GBE1: variants seen among roughly 807,000 people sequenced by gnomAD.
The protein encoded by GBE1 is 1,4-alpha-glucan-branching enzyme.
GBE1 carries 70 observed loss-of-function variants against 88.8 expected under a neutral mutation model. The ratio of observed to expected loss-of-function variants is 0.79; its 90% confidence interval spans 0.65 to 0.96. The LOEUF (loss-of-function observed/expected upper bound fraction) is 0.96, where lower values mean the gene tolerates loss of function less well. Ranked by LOEUF, GBE1 falls within the 40% of genes least tolerant of loss-of-function variation. GBE1 has a pLI of 0.00. For missense variants in GBE1, 872 were observed against 871.0 expected (o/e 1.00, Z -0.01); for synonymous variants, 284 against 300.1 (o/e 0.95, Z 0.56).
At chr3:81,632,427 C>T (rs1191308634) in intron 7 of GBE1, among the ~76,000 whole-genome samples, 4 of 152,050 alleles carry the variant, frequency 2.6e-5, no homozygotes, top group African/African-American at 9.7e-5. Context: ...CAAAAGAAGA[C>T]ATTTATGTGG....
intron 1 of GBE1, among the ~76,000 whole-genome samples, chr3:81,745,101 T>C (rs762477690): frequency 2.0e-5 from 3 of 152,194 alleles, no homozygotes; most frequent in Admixed American, 6.5e-5. Context: ...TTTGTTCTGC[T>C]ATCATATAGA....
intron 1 of GBE1, among the ~76,000 whole-genome samples, chr3:81,755,009 C>A (rs1706582540): frequency 6.6e-6 from 1 of 151,926 alleles, no homozygotes; most frequent in South Asian, 2.1e-4. Flanking sequence ...TTCTGCACAG[C>A]AAAGGAAACA....
chr3:81,753,135 G>C (rs1395466868), intron 1 of GBE1, among the ~76,000 whole-genome samples: 2 of 152,160 alleles, frequency 1.3e-5, no homozygotes, highest in Non-Finnish European at 2.9e-5. Context: ...ATAAATCAAT[G>C]AATGTAAGAT....
At chr3:81,542,409 G>A (rs951217077) in intron 12 of GBE1, among the ~76,000 whole-genome samples, 1 of 151,996 alleles carries the variant, frequency 6.6e-6, no homozygotes, top group African/African-American at 2.4e-5. Context: ...AAGGTAAACA[G>A]CAGATATTCT....
At chr3:81,678,549 C>G (rs942472267) in intron 2 of GBE1, among the ~76,000 whole-genome samples, 3 of 151,956 alleles carry the variant, frequency 2.0e-5, no homozygotes. Context: ...AATGTTTCAT[C>G]AAGAAACAGT....
intron 7 of GBE1, among the ~76,000 whole-genome samples, chr3:81,611,865 T>C (rs957073210): frequency 5.3e-5 from 8 of 152,166 alleles, no homozygotes; most frequent in African/African-American, 1.7e-4. Flanking sequence ...GCTTTTTTGA[T>C]GAAGAGTCAG....
At chr3:81,587,614 C>T (rs1268010653) in intron 9 of GBE1, among the ~76,000 whole-genome samples, 1 of 152,120 alleles carries the variant, frequency 6.6e-6, no homozygotes, top group Non-Finnish European at 1.5e-5. Context: ...AGCTACTCCC[C>T]TACTCCCTGT....
intron 1 of GBE1, among the ~76,000 whole-genome samples, chr3:81,756,640 C>T (rs1414720630): frequency 6.6e-6 from 1 of 152,156 alleles, no homozygotes; most frequent in Admixed American, 6.5e-5. Flanking sequence ...AGAGGGACCC[C>T]TCAACCAGCC....
rs1274529241 is a variant in GBE1 at position 81,670,865 on chromosome 3, T to C, written c.402A>G (p.Val134=). The change falls in exon 3 of 16, where the codon GTA becomes GTG. Residue 134 remains valine (V), a synonymous_variant. Transcript: ENST00000429644. ...LYIPPKQNKS[V]LVPHGSKLKV... is the part of the protein sequence containing the mutation. ...TTAATTTGGATCCATGAGGCACGAG[T>C]ACAGATTTATTCTGCTTTGGTGGGA... 1.3e-6 allele frequency: 2 copies of C among 1,572,358 alleles called. No homozygotes were observed. Among genetic ancestry groups the C allele is most frequent in the Non-Finnish European group, 1.7e-6 (2 of 1,163,882 alleles).
chr3:81,696,765 A>G (rs1284250450), intron 2 of GBE1, among the ~76,000 whole-genome samples: 1 of 152,226 alleles, frequency 6.6e-6, no homozygotes, highest in Non-Finnish European at 1.5e-5. Context: ...GTATTAACAG[A>G]GCATAAATTT....
chr3:81,573,265 T>C (rs1366938436), intron 12 of GBE1, among the ~76,000 whole-genome samples: 1 of 152,164 alleles, frequency 6.6e-6, no homozygotes, highest in East Asian at 1.9e-4. Context: ...TTATTCAAAG[T>C]TTAATAATCT....
At chr3:81,512,269 A>C (rs1398587198) in intron 14 of GBE1, among the ~76,000 whole-genome samples, 1 of 151,812 alleles carries the variant, frequency 6.6e-6, no homozygotes. Flanking sequence ...GGCTGATAGG[A>C]TCATTCACAA....
chr3:81,639,180 T>C (rs901476898), intron 7 of GBE1, among the ~76,000 whole-genome samples: 1 of 152,182 alleles, frequency 6.6e-6, no homozygotes, highest in Non-Finnish European at 1.5e-5. Context: ...GATTGGGTTA[T>C]GTATTTCTAT....
chr3:81,664,459 C>T (rs968986832), intron 3 of GBE1, among the ~76,000 whole-genome samples: 3 of 141,562 alleles, frequency 2.1e-5, no homozygotes, highest in Non-Finnish European at 3.1e-5. Flanking sequence ...AAAAAAAAAA[C>T]CTGCCAGCAC....
At position 81,606,489 on chromosome 3, in the gene GBE1, T is replaced by C. The variant is rs73127079; in HGVS notation, c.993-12466A>G. 3.1e-3 allele frequency among the ~76,000 whole-genome samples: 468 copies of C among 152,376 alleles called. 1 individual carries two copies. Among genetic ancestry groups the C allele is most frequent in the Middle Eastern group, 6.8e-3 (2 of 294 alleles). ...GCTATTTAACACAGTCTGATTTCAC[T>C]TGGAATAAAATCCAGTCCACAGTCC... is the stretch of plus-strand genomic sequence containing the variant. On this transcript the variant is annotated intron_variant, in intron 7 of 15. Transcript: ENST00000429644.
intron 2 of GBE1, among the ~76,000 whole-genome samples, chr3:81,690,596 T>C (rs1427499876): frequency 6.6e-6 from 1 of 152,222 alleles, no homozygotes; most frequent in Non-Finnish European, 1.5e-5. Context: ...AATCAATTAA[T>C]TGGGATATCA....
chr3:81,565,569 A>C (rs1445346420), intron 12 of GBE1, among the ~76,000 whole-genome samples: 3 of 152,206 alleles, frequency 2.0e-5, no homozygotes, highest in African/African-American at 7.2e-5. Flanking sequence ...GGGAGAATGT[A>C]ACATATTCAT....
At chr3:81,734,641 C>G (rs1248233838) in intron 1 of GBE1, among the ~76,000 whole-genome samples, 1 of 152,146 alleles carries the variant, frequency 6.6e-6, no homozygotes, top group East Asian at 1.9e-4. Flanking sequence ...TGGTCAAGGT[C>G]TCCATGAGCC....
At chr3:81,708,076 T>A (rs2107172211) in intron 1 of GBE1, among the ~76,000 whole-genome samples, 1 of 152,140 alleles carries the variant, frequency 6.6e-6, no homozygotes, top group Non-Finnish European at 1.5e-5. Context: ...AACAGTAACA[T>A]AATTTTATAT....
Sources: gnomAD v4.1 joint callset for allele counts (sites outside exome capture counted in the v4.1 genomes callset) on GRCh38, gnomAD v4.1.1 for gene constraint, MANE v1.5 for transcripts, NCBI Gene and HGNC (gene_info 2026-07-23, HGNC 2026-07-21) for gene names.